Variants in ANKS1B observed in about 807,000 individuals in gnomAD.
ANKS1B encodes ankyrin repeat and sterile alpha motif domain containing 1B, also known as ankyrin repeat and sterile alpha motif domain-containing protein 1B.
ANKS1B carries 36 observed loss-of-function variants against 148.3 expected under a neutral mutation model. The ratio of observed to expected loss-of-function variants is 0.24; its 90% CI spans 0.19 to 0.32. ANKS1B has a LOEUF of 0.32. ANKS1B is among the 10% of genes least tolerant of loss of function. ANKS1B has a pLI of 1.00. For synonymous variants in ANKS1B, 542 were observed against 560.8 expected, an observed-to-expected ratio of 0.97 and a Z score of 0.47; for missense variants, 1,157 against 1,542.6, an observed-to-expected ratio of 0.75 and a Z score of 4.19.
intron 1 of ANKS1B, among the ~76,000 whole-genome samples, chr12:99,931,992 T>C (rs984632452): frequency 3.3e-5 from 5 of 152,166 alleles, no homozygotes; most frequent in African/African-American, 7.2e-5. Flanking sequence ...TTTTCATTTT[T>C]AGCTTCAGCA....
chr12:99,509,230 C>T (rs904336103), intron 9 of ANKS1B, among the ~76,000 whole-genome samples: 2 of 151,734 alleles, frequency 1.3e-5, no homozygotes, highest in Admixed American at 6.6e-5. Context: ...CAATTAGTAA[C>T]CCTTCAATGG....
intron 17 of ANKS1B, among the ~76,000 whole-genome samples, chr12:98,975,114 T>G (rs1444010197): frequency 7.1e-6 from 1 of 141,768 alleles, no homozygotes; most frequent in African/African-American, 2.6e-5. Flanking sequence ...TACTTTCTTC[T>G]GTTTCCTCTT....
At chr12:99,294,683 C>T (rs1054742713) in intron 12 of ANKS1B, among the ~76,000 whole-genome samples, 10 of 151,550 alleles carry the variant, frequency 6.6e-5, no homozygotes, top group Non-Finnish European at 1.2e-4. Context: ...GACAAAGTTT[C>T]GCTCCTGCTG....
intron 17 of ANKS1B, among the ~76,000 whole-genome samples, chr12:98,867,860 CAA>C (rs201913809): frequency 2.6e-4 from 31 of 117,126 alleles, no homozygotes; most frequent in Non-Finnish European, 2.4e-4. Context: ...GACTCCATCT[CAA>C]AAAAAAAAAA....
intron 1 of ANKS1B, among the ~76,000 whole-genome samples, chr12:99,955,385 C>T (rs1451001027): frequency 6.7e-6 from 1 of 149,352 alleles, no homozygotes; most frequent in Admixed American, 6.7e-5. Context: ...CCCAGCTACT[C>T]GGGAGGCTGA....
intron 11 of ANKS1B, among the ~76,000 whole-genome samples, chr12:99,417,034 G>A (rs1029023663): frequency 9.2e-5 from 14 of 152,144 alleles, no homozygotes; most frequent in African/African-American, 9.7e-5. Context: ...CTCTGTGGCC[G>A]TTGCCATGCC....
At chr12:99,737,591 A>C (rs1019258724) in intron 8 of ANKS1B, among the ~76,000 whole-genome samples, 3 of 152,070 alleles carry the variant, frequency 2.0e-5, no homozygotes, top group African/African-American at 7.2e-5. Flanking sequence ...CTAGAGGATA[A>C]GGACAAAATG....
intron 1 of ANKS1B, among the ~76,000 whole-genome samples, chr12:99,829,377 G>A (rs891217124): frequency 3.3e-5 from 5 of 152,044 alleles, no homozygotes; most frequent in Admixed American, 2.6e-4. Context: ...TAGGCCGGGC[G>A]CGGTGGCTCA....
intron 18 of ANKS1B, chr12:98,831,212 G>C (rs1311399966): frequency 6.6e-6 from 1 of 152,072 alleles, no homozygotes; most frequent in Non-Finnish European, 1.5e-5. Flanking sequence ...CTTCCAAAGT[G>C]CTGGGATCAC....
At chr12:99,866,808 A>C (rs151112461) in intron 1 of ANKS1B, among the ~76,000 whole-genome samples, 12 of 152,284 alleles carry the variant, frequency 7.9e-5, no homozygotes, top group African/African-American at 2.9e-4. Context: ...AATCTGAAAA[A>C]TGTAGTGATC....
intron 10 of ANKS1B, among the ~76,000 whole-genome samples, chr12:99,458,728 G>C (rs1292372582): frequency 6.6e-6 from 1 of 151,700 alleles, no homozygotes; most frequent in Non-Finnish European, 1.5e-5. Flanking sequence ...TAGAAACTCT[G>C]AACAGACCAA....
At chr12:99,805,286 A>AAAAAAAAAAAAAAAC (rs2067489354) in intron 4 of ANKS1B, among the ~76,000 whole-genome samples, 2 of 149,214 alleles carry the variant, frequency 1.3e-5, no homozygotes, top group Admixed American at 6.7e-5. Flanking sequence ...AAAAAAAAAA[A>AAAAAAAAAAAAAAAC]AAGACTAACC....
At chr12:99,195,185 C>G (rs2153889141) in intron 14 of ANKS1B, among the ~76,000 whole-genome samples, 1 of 152,194 alleles carries the variant, frequency 6.6e-6, no homozygotes, top group East Asian at 1.9e-4. Context: ...GAATCATGAC[C>G]TATAGCTAGC....
rs369874876 is a variant in ANKS1B, at chr12:99,803,511, C to T, written c.669+2893G>A. On this transcript the variant is annotated intron_variant, in intron 4 of 26. Coordinates refer to ENST00000683438, the MANE Select transcript of ANKS1B (RefSeq NM_001352186.2). The stretch of plus-strand genomic sequence containing the variant: ...GAAGTTGTCCACCTTACTCAGACAT[C>T]ACCCCGATACTTCTGATTAGGTGTT... Among the ~76,000 whole-genome samples, 239 of 152,238 alleles carry T rather than the reference C, an allele frequency of 1.6e-3. 5 individuals carry two copies. The South Asian group carries it at 0.048, about 30-fold the overall frequency.
rs75553157 is a variant in ANKS1B, at chr12:99,039,456, C to T, written c.2778+13701G>A. ...TGTGTGAACATACAGCTGAGCCCTC[C>T]GAAGTCAGGTCTTCAAGGAGTTTGG... On this transcript the variant is annotated intron_variant, in intron 17 of 26. Coordinates refer to ENST00000683438, the MANE Select transcript of ANKS1B (RefSeq NM_001352186.2). Among the ~76,000 whole-genome samples, 492 of 152,332 alleles carry T rather than the reference C, an allele frequency of 3.2e-3. 11 individuals carry two copies. The East Asian group carries it at 0.083, about 26-fold the overall frequency.
chr12:99,829,961 T>G (rs2083726704), intron 1 of ANKS1B, among the ~76,000 whole-genome samples: 1 of 152,152 alleles, frequency 6.6e-6, no homozygotes, highest in Non-Finnish European at 1.5e-5. Flanking sequence ...ACAAACCAAA[T>G]TCCTAAAACA....
intron 1 of ANKS1B, among the ~76,000 whole-genome samples, chr12:99,954,027 T>A (rs1217563334): frequency 6.6e-6 from 1 of 152,146 alleles, no homozygotes; most frequent in East Asian, 1.9e-4. Flanking sequence ...AAAGTCTAGA[T>A]AAAGCTATTC....
intron 16 of ANKS1B, among the ~76,000 whole-genome samples, chr12:99,074,809 T>C (rs532161444): frequency 9.2e-5 from 14 of 152,366 alleles, no homozygotes; most frequent in African/African-American, 3.4e-4. Context: ...AGCATTTTTG[T>C]TTGGCTCAGT....
At chr12:98,832,944 A>G (rs1462333466) in intron 17 of ANKS1B, among the ~76,000 whole-genome samples, 2 of 152,210 alleles carry the variant, frequency 1.3e-5, no homozygotes, top group Non-Finnish European at 2.9e-5. Flanking sequence ...AATATGAAAG[A>G]ATGAATGGTA....
Sources: allele counts gnomAD v4.1 joint callset (sites outside exome capture counted in the v4.1 genomes callset), GRCh38; gene constraint gnomAD v4.1.1; transcripts MANE v1.5; gene names NCBI Gene and HGNC (gene_info 2026-07-23, HGNC 2026-07-21).